The following CCNY variants were observed in gnomAD, a reference collection of about 807,000 sequenced individuals.
CCNY encodes cyclin Y.
A neutral mutation model predicts 42.8 loss-of-function variants in CCNY; 19 were observed. The observed-to-expected ratio is 0.44, with a 90% CI of 0.31 to 0.65. CCNY has a LOEUF of 0.65. Ranked by LOEUF, CCNY falls within the 30% of genes least tolerant of loss-of-function variation. The pLI is 0.07. For synonymous variants in CCNY, 165 were observed against 162.7 expected (o/e 1.01, Z -0.11); for missense variants, 370 against 437.3 (o/e 0.85, Z 1.37).
chr10:35,501,458 A>T, intron 2 of CCNY, 43 bp from the exon 3 acceptor site: 1 of 1,590,074 alleles, frequency 6.3e-7, no homozygotes, highest in Non-Finnish European at 8.6e-7. Flanking sequence ...AGGGGTTGGC[A>T]TGCAGGCATA....
intron 1 of CCNY, among the ~76,000 whole-genome samples, chr10:35,477,994 A>G (rs919815262): frequency 6.9e-6 from 1 of 144,896 alleles, no homozygotes; most frequent in African/African-American, 2.6e-5. Flanking sequence ...TACACCAACA[A>G]CAGACAAACA....
intron 3 of CCNY, among the ~76,000 whole-genome samples, chr10:35,322,612 A>G (rs1346900306): frequency 6.6e-6 from 1 of 152,218 alleles, no homozygotes; most frequent in East Asian, 1.9e-4. Flanking sequence ...ACATATCTAC[A>G]TACCTGCCAA....
chr10:35,484,668 T>G (rs1839745876), intron 2 of CCNY, among the ~76,000 whole-genome samples: 1 of 152,134 alleles, frequency 6.6e-6, no homozygotes, highest in Non-Finnish European at 1.5e-5. Context: ...GTAGTGAAGA[T>G]GGGTGTTTGG....
chr10:35,534,380 A>G (rs1195313916), intron 7 of CCNY, among the ~76,000 whole-genome samples: 2 of 152,130 alleles, frequency 1.3e-5, no homozygotes, highest in Non-Finnish European at 2.9e-5. Flanking sequence ...ACATCACTCA[A>G]CTGAACCTTG....
intron 3 of CCNY, among the ~76,000 whole-genome samples, chr10:35,283,465 A>C (rs1190093435): frequency 1.3e-5 from 2 of 151,292 alleles, no homozygotes; most frequent in Non-Finnish European, 2.9e-5. Flanking sequence ...CAGTGGTGTG[A>C]CCTTGGCTCA....
chr10:35,482,023 G>A (rs955907308), intron 1 of CCNY, among the ~76,000 whole-genome samples: 3 of 152,190 alleles, frequency 2.0e-5, no homozygotes, highest in Non-Finnish European at 4.4e-5. Flanking sequence ...AATTGAAGTA[G>A]CATCTGTTTA....
At chr10:35,343,996 T>C (rs1292887253) in intron 1 of CCNY, among the ~76,000 whole-genome samples, 1 of 152,216 alleles carries the variant, frequency 6.6e-6, no homozygotes, top group South Asian at 2.1e-4. Context: ...GCAATGACAG[T>C]TGATGTAAGT....
At chr10:35,482,206 C>A (rs1839684655) in intron 1 of CCNY, among the ~76,000 whole-genome samples, 1 of 152,164 alleles carries the variant, frequency 6.6e-6, no homozygotes, top group Admixed American at 6.5e-5. Flanking sequence ...ATTTTACCAT[C>A]CTTTTCTTTC....
intron 1 of CCNY, among the ~76,000 whole-genome samples, chr10:35,427,890 C>T (rs1322361730): frequency 6.6e-6 from 1 of 151,908 alleles, no homozygotes; most frequent in Non-Finnish European, 1.5e-5. Context: ...TGGATCTAGC[C>T]CCACCTGGGC....
At position 35,539,446 on chromosome 10, in the gene CCNY, C is replaced by T. The variant is rs114630782; in HGVS notation, c.579+9203C>T. Among the ~76,000 whole-genome samples, 1,171 of 152,268 alleles carry T rather than the reference C, an allele frequency of 7.7e-3. 13 individuals carry two copies. The highest frequency in any genetic ancestry group is 0.027 in the African/African-American group (1,112 of 41,552). On this transcript the variant is annotated intron_variant, in intron 7 of 9. Transcript: ENST00000374704. ...TTTAGATTTTCTTTCATTTTGTCAACGTTTTTCTATAGTTTTCAGTATACA... is the reference window on the plus strand; with the variant it reads ...TTTAGATTTTCTTTCATTTTGTCAATGTTTTTCTATAGTTTTCAGTATACA...
intron 3 of CCNY, among the ~76,000 whole-genome samples, chr10:35,280,102 C>T (rs1256427823): frequency 1.3e-5 from 2 of 152,112 alleles, no homozygotes; most frequent in African/African-American, 2.4e-5. Context: ...GACAAGGGTA[C>T]CAAGACCATT....
rs191528357 is a variant in CCNY, at chr10:35,485,752, A to C, written c.229+2274A>C. ...AAAAAAAAAAAAACAAAAAAAAAAA[A>C]CACGTAGATTTGGTAACTTTAATGA... On this transcript the variant is annotated intron_variant, in intron 2 of 9. Coordinates refer to ENST00000374704, the MANE Select transcript of CCNY (RefSeq NM_145012.6). 1.8e-3 allele frequency among the ~76,000 whole-genome samples: 272 copies of C among 151,622 alleles called. 3 individuals are homozygous for C. The East Asian group carries it at 0.018, about 10-fold the overall frequency.
intron 1 of CCNY, among the ~76,000 whole-genome samples, chr10:35,395,654 A>G (rs976548302): frequency 6.6e-6 from 1 of 152,196 alleles, no homozygotes; most frequent in Non-Finnish European, 1.5e-5. Flanking sequence ...AGGAGACGCA[A>G]AGAAAGATAT....
chr10:35,451,904 G>A (rs1756400514), intron 1 of CCNY, among the ~76,000 whole-genome samples: 1 of 152,226 alleles, frequency 6.6e-6, no homozygotes, highest in South Asian at 2.1e-4. Flanking sequence ...TTGAATGGCA[G>A]TGACTTTGGG....
intron 7 of CCNY, among the ~76,000 whole-genome samples, chr10:35,549,463 C>G (rs1841197029): frequency 2.0e-5 from 3 of 147,974 alleles, no homozygotes; most frequent in Non-Finnish European, 3.0e-5. Flanking sequence ...CATGACCCTA[C>G]AGTGCTCGTG....
chr10:35,410,872 C>T (rs1319186839), intron 1 of CCNY, among the ~76,000 whole-genome samples: 1 of 152,074 alleles, frequency 6.6e-6, no homozygotes, highest in Non-Finnish European at 1.5e-5. Flanking sequence ...ACGCTGATGT[C>T]GCTGGTCTAG....
In CCNY at chr10:35,530,711, G is replaced by T; in HGVS notation, c.579+468G>T. On this transcript the variant is annotated intron_variant, in intron 7 of 9. Coordinates refer to ENST00000374704, the MANE Select transcript of CCNY (RefSeq NM_145012.6). The surrounding 1 kb of genome is among the most constrained non-coding windows in gnomAD (Gnocchi z 4.3). ...TCTGTTTTGTGACTTTTGAGTAAAT[G>T]TGTCTGCAGGATATTCAGAGACAGT... is the stretch of plus-strand genomic sequence containing the variant. Among the ~76,000 whole-genome samples, 1 of 152,164 alleles carries T rather than the reference G, an allele frequency of 6.6e-6. No homozygotes were observed. Among genetic ancestry groups the T allele is most frequent in the Non-Finnish European group, 1.5e-5 (1 of 68,024 alleles).
chr10:35,544,129 G>C lies in CCNY; in HGVS notation c.580-8890G>C, dbSNP rs576126842. Among the ~76,000 whole-genome samples the C allele has an allele frequency of 1.8e-4, 28 of 152,164 alleles. 1 individual carries two copies. The South Asian group carries it at 5.6e-3, about 31-fold the overall frequency. On this transcript the variant is annotated intron_variant, in intron 7 of 9. Coordinates refer to ENST00000374704, the MANE Select transcript of CCNY (RefSeq NM_145012.6). Reference sequence around the variant, plus strand: ...GAAAATCTTTTTCATAAATTTAATAGAGCCTAAATGTACAGCATTTATCAA... The same window carrying C: ...GAAAATCTTTTTCATAAATTTAATACAGCCTAAATGTACAGCATTTATCAA...
intron 3 of CCNY, among the ~76,000 whole-genome samples, chr10:35,291,528 C>CT (rs71523373): frequency 0.05 from 5,511 of 109,310 alleles, 304 homozygotes; most frequent in African/African-American, 0.092. Context: ...GTACGACTTC[C>CT]TTTTTTTTTT....
Sources: gnomAD v4.1 joint callset for allele counts (sites outside exome capture counted in the v4.1 genomes callset) on GRCh38, gnomAD v4.1.1 for gene constraint, Gnocchi (gnomAD v3.1) non-coding constraint, MANE v1.5 for transcripts, NCBI Gene and HGNC (gene_info 2026-07-23, HGNC 2026-07-21) for gene names.